PTPN9: variants seen among roughly 807,000 people sequenced by gnomAD.
PTPN9 encodes the protein tyrosine-protein phosphatase non-receptor type 9.
PTPN9 carries 26 observed loss-of-function variants against 69.8 expected under a neutral mutation model. The ratio of observed to expected loss-of-function variants is 0.37; its 90% confidence interval spans 0.27 to 0.52. PTPN9 has a LOEUF of 0.52. PTPN9 is among the 20% of genes least tolerant of loss of function. PTPN9 has a pLI of 0.91. For missense variants in PTPN9, 549 were observed against 740.3 expected, an observed-to-expected ratio of 0.74 and a Z score of 3.00; for synonymous variants, 274 against 272.5, an observed-to-expected ratio of 1.01 and a Z score of -0.05.
chr15:75,473,553 G>A (rs555616373), intron 10 of PTPN9, 136 bp downstream of exon 10: 4 of 740,344 alleles, frequency 5.4e-6, no homozygotes, highest in East Asian at 2.5e-5. Flanking sequence ...GCCTCCCTAA[G>A]TGCTGGGATT....
At chr15:75,479,631 T>G (rs1007583867) in intron 9 of PTPN9, among the ~76,000 whole-genome samples, 1 of 152,162 alleles carries the variant, frequency 6.6e-6, no homozygotes, top group Non-Finnish European at 1.5e-5. Flanking sequence ...ATCTCCAGTT[T>G]ATCTCTATGC....
rs936278877 is a variant in PTPN9 at position 75,579,017 on chromosome 15, T to C, written c.-241A>G. On this transcript the variant is annotated 5_prime_UTR_variant, in exon 1 of 13. Transcript: ENST00000618819. ...TCCTTTTTTATATTATTCGCTCCGT[T>C]CCTCACACTCCCCCTTATCTCCTGG... 3.9e-6 allele frequency: 1 copy of C among 256,302 alleles called. No homozygotes were observed. The highest frequency in any genetic ancestry group is 7.3e-6 in the Non-Finnish European group (1 of 136,066). The allele number at this position is 256,302 out of a possible 1,614,324, so 15.9% of individuals were successfully genotyped here.
At position 75,578,700 on chromosome 15, in the gene PTPN9, T is replaced by A. The variant is rs1480291549; in HGVS notation, c.63+14A>T. On this transcript the variant is annotated intron_variant, in intron 1 of 12. Coordinates refer to ENST00000618819, the MANE Select transcript of PTPN9 (RefSeq NM_002833.4). ...CCCGGACACACCCAACGCGGCGGCCTCGGGCCCGCTTACCTGCTCCTCCTC... is the reference window on the plus strand; with the variant it reads ...CCCGGACACACCCAACGCGGCGGCCACGGGCCCGCTTACCTGCTCCTCCTC... 45 of 1,368,380 alleles carry A rather than the reference T, an allele frequency of 3.3e-5. No individual in the cohort carries two copies. The highest frequency in any genetic ancestry group is 4.1e-5 in the Non-Finnish European group (43 of 1,058,158). 84.8% of individuals were successfully genotyped at this position (1,368,380 alleles called of 1,614,324 possible).
chr15:75,530,429 TAA>T (rs2074950394), intron 1 of PTPN9, among the ~76,000 whole-genome samples: 1 of 108,988 alleles, frequency 9.2e-6, no homozygotes, highest in South Asian at 2.3e-4. Context: ...TATTATATTA[TAA>T]TATATAATAT....
At chr15:75,530,221 AAAG>A in intron 1 of PTPN9, among the ~76,000 whole-genome samples, 1 of 141,690 alleles carries the variant, frequency 7.1e-6, no homozygotes, top group Non-Finnish European at 1.5e-5. Flanking sequence ...AAAAAAAAGA[AAAG>A]AAAGAAAGAA....
intron 7 of PTPN9, among the ~76,000 whole-genome samples, chr15:75,496,099 A>C (rs2074739145): frequency 6.6e-6 from 1 of 151,090 alleles, no homozygotes; most frequent in South Asian, 2.1e-4. Context: ...AGATAGAGCC[A>C]CTGTACTCCA....
Position 75,481,145 on chromosome 15 carries a change from C to T in PTPN9, c.1063-1231G>A, listed in dbSNP as rs1313873413. On this transcript the variant is annotated intron_variant, in intron 8 of 12. Coordinates refer to ENST00000618819, the MANE Select transcript of PTPN9 (RefSeq NM_002833.4). ...GCCGCCCCATCTGGGATGTGAGGAG[C>T]GCCTCTGCCCGGCCGAGACCCCCTC... is the stretch of plus-strand genomic sequence containing the variant. Among the ~76,000 whole-genome samples, 502 of 63,498 alleles carry T rather than the reference C, an allele frequency of 7.9e-3. 13 individuals are homozygous for T. The highest frequency in any genetic ancestry group is 0.054 in the Admixed American group (281 of 5,222). The allele number at this position is 63,498 out of a possible 152,430, so 41.7% of individuals were successfully genotyped here. A position where few individuals can be genotyped will look rare whatever the true frequency, so the allele number is the denominator to read the frequency against.
intron 1 of PTPN9, among the ~76,000 whole-genome samples, chr15:75,564,189 G>A (rs1006218988): frequency 2.6e-5 from 4 of 151,542 alleles, no homozygotes; most frequent in African/African-American, 4.8e-5. Flanking sequence ...GGGCTCAATC[G>A]ATCCTCCTGC....
At position 75,471,033 on chromosome 15, in the gene PTPN9, C is replaced by T. The variant is rs1044154908; in HGVS notation, c.1209-203G>A. ...CTCACAGCTAAAGTTTCTGCATGTA[C>T]TCATATAGCAGACAGTTACTGAGCA... On this transcript the variant is annotated intron_variant, in intron 10 of 12. Transcript: ENST00000618819. The T allele has an allele frequency of 1.5e-5, 9 of 608,556 alleles. No individual in the cohort carries two copies. In the African/African-American group the frequency reaches 1.7e-4, roughly 11 times the overall value. The allele number at this position is 608,556 out of a possible 1,614,324, so 37.7% of individuals were successfully genotyped here.
chr15:75,563,185 A>AT (rs528384624), intron 1 of PTPN9, among the ~76,000 whole-genome samples: 3 of 151,690 alleles, frequency 2.0e-5, no homozygotes, highest in South Asian at 2.1e-4. Flanking sequence ...AATGTATGGC[A>AT]TTTTTTTTCT....
chr15:75,541,555 C>G (rs937632771), intron 1 of PTPN9, among the ~76,000 whole-genome samples: 4 of 151,100 alleles, frequency 2.6e-5, no homozygotes, highest in Non-Finnish European at 5.9e-5. Context: ...TACAGGTGCG[C>G]GCCACCATGC....
At chr15:75,531,280 A>C (rs1222046122) in intron 1 of PTPN9, among the ~76,000 whole-genome samples, 1 of 152,134 alleles carries the variant, frequency 6.6e-6, no homozygotes, top group Non-Finnish European at 1.5e-5. Flanking sequence ...CCAATCAGGC[A>C]AAGTGCATGA....
In PTPN9 at chr15:75,578,788, CGCCGCCGGG is replaced by C. The variant is rs2075185950; in HGVS notation, c.-21_-13del. On this transcript the variant is annotated 5_prime_UTR_variant, in exon 1 of 13. Transcript: ENST00000618819. ...GTCGCGGGCTCCATCCCCCCGCCAC[CGCCGCCGGG>C]CGGACAAAACTCGCTCGCGAGCGCG... The C allele has an allele frequency of 8.1e-7, 1 of 1,232,172 alleles. No individual in the cohort carries two copies. The highest frequency in any genetic ancestry group is 1.0e-6 in the Non-Finnish European group (1 of 987,938). The allele number at this position is 1,232,172 out of a possible 1,614,324, so 76.3% of individuals were successfully genotyped here. A position where few individuals can be genotyped will look rare whatever the true frequency, so the allele number is the denominator to read the frequency against.
intron 1 of PTPN9, among the ~76,000 whole-genome samples, chr15:75,562,501 A>G (rs1278671671): frequency 6.6e-6 from 1 of 152,172 alleles, no homozygotes; most frequent in Non-Finnish European, 1.5e-5. Context: ...CAGCGCTTCT[A>G]CTGAAAGCCT....
At chr15:75,473,844 C>G in intron 9 of PTPN9, 77 bp from the exon 10 acceptor site, 1 of 1,117,734 alleles carries the variant, frequency 8.9e-7, no homozygotes, top group Non-Finnish European at 1.3e-6. Context: ...CTGTTTTACT[C>G]CCCAATGGTA....
chr15:75,559,929 C>G (rs190160156), intron 1 of PTPN9, among the ~76,000 whole-genome samples: 1 of 151,990 alleles, frequency 6.6e-6, no homozygotes, highest in African/African-American at 2.4e-5. Flanking sequence ...CATTTGAGGT[C>G]AGGAGTTCAA....
chr15:75,551,032 A>G (rs1233852691), intron 1 of PTPN9, among the ~76,000 whole-genome samples: 2 of 152,226 alleles, frequency 1.3e-5, no homozygotes, highest in Non-Finnish European at 2.9e-5. Context: ...GTGCTGGGCC[A>G]TGAGGCAAGT....
chr15:75,502,828 A>T (rs192486313), intron 7 of PTPN9, among the ~76,000 whole-genome samples: 145 of 152,036 alleles, frequency 9.5e-4, no homozygotes, highest in African/African-American at 1.4e-3. Context: ...TACTTTTTTT[A>T]AAAAAAACTT....
intron 1 of PTPN9, among the ~76,000 whole-genome samples, chr15:75,545,708 G>A (rs2141332551): frequency 6.6e-6 from 1 of 152,298 alleles, no homozygotes; most frequent in East Asian, 1.9e-4. Context: ...GGGAGGCGGA[G>A]GCAGGTGGAA....
Sources: gnomAD v4.1 joint callset for allele counts (sites outside exome capture counted in the v4.1 genomes callset) on GRCh38, gnomAD v4.1.1 for gene constraint, MANE v1.5 for transcripts, NCBI Gene and HGNC (gene_info 2026-07-23, HGNC 2026-07-21) for gene names.